PHGDH: variants seen among roughly 807,000 people sequenced by gnomAD.
PHGDH encodes D-3-phosphoglycerate dehydrogenase.
In PHGDH, 50 loss-of-function variants were observed where a neutral mutation model predicts 52.6. The observed-to-expected ratio is 0.95, with a 90% CI of 0.76 to 1.20. The LOEUF is 1.20. Ranked by LOEUF, PHGDH falls within the 50% of genes most tolerant of loss-of-function variation. The pLI, the probability that PHGDH is intolerant of heterozygous loss-of-function variation, is 0.00. For missense variants in PHGDH, 630 were observed against 684.6 expected (o/e 0.92, Z 0.89); for synonymous variants, 271 against 280.5 (o/e 0.97, Z 0.34).
At chr1:119,725,621 C>G (rs926147183) in intron 3 of PHGDH, among the ~76,000 whole-genome samples, 1 of 152,196 alleles carries the variant, frequency 6.6e-6, no homozygotes, top group Admixed American at 6.5e-5. Context: ...TGATGGAGGA[C>G]AGATTCCACC....
Position 119,735,130 on chromosome 1 carries a change from C to G in PHGDH, c.644-165C>G, listed in dbSNP as rs1457725936. On this transcript the variant is annotated intron_variant, in intron 6 of 11. Transcript: ENST00000641023. ...AGATCCATAACAGGGACTCCTGCCC[C>G]AGAGCATCTGAGGAGGAAGAGATGA... 10 of 874,536 alleles carry G rather than the reference C, an allele frequency of 1.1e-5. No homozygotes were observed. In the Admixed American group the frequency reaches 1.8e-4, roughly 16 times the overall value. The allele number at this position is 874,536 out of a possible 1,614,324, so 54.2% of individuals were successfully genotyped here. A position where few individuals can be genotyped will look rare whatever the true frequency, so the allele number is the denominator to read the frequency against.
intron 4 of PHGDH, 46 bp from the exon 5 acceptor site, chr1:119,726,958 C>A (rs1230199331): frequency 6.2e-7 from 1 of 1,605,314 alleles, no homozygotes; most frequent in Admixed American, 1.7e-5. Context: ...GGGGTCCACT[C>A]ATGTTGCTGA....
chr1:119,740,214 C>A, intron 8 of PHGDH, 172 bp from the exon 9 acceptor site: 1 of 642,502 alleles, frequency 1.6e-6, no homozygotes. Flanking sequence ...TTTGTAGGAA[C>A]AAGTCCTTGT....
At chr1:119,733,951 G>A (rs1333961431) in intron 5 of PHGDH, among the ~76,000 whole-genome samples, 1 of 152,146 alleles carries the variant, frequency 6.6e-6, no homozygotes, top group Non-Finnish European at 1.5e-5. Flanking sequence ...CCAGGTCCAG[G>A]GGAACTGACC....
In PHGDH at chr1:119,712,097, T is replaced by C. The variant is rs752195785; in HGVS notation, c.75T>C (p.Asp25=). ...CTTGCTGCCGGAAGATCTTGCAAGA[T>C]GGAGGGCTGCAGGTGGTGGAAAAGC... ...LDPCCRKILQ[D]GGLQVVEKQN... The change falls in exon 1 of 12, where the codon GAT becomes GAC. Residue 25 remains aspartate (D), a synonymous_variant. Coordinates refer to ENST00000641023, the MANE Select transcript of PHGDH (RefSeq NM_006623.4). The C allele has an allele frequency of 6.8e-6, 11 of 1,613,916 alleles. No individual in the cohort carries two copies. The Admixed American group carries it at 1.5e-4, about 22-fold the overall frequency.
At chr1:119,721,642 C>T (rs1358910952) in intron 2 of PHGDH, 1 of 293,138 alleles carries the variant, frequency 3.4e-6, no homozygotes, top group Non-Finnish European at 6.5e-6. Flanking sequence ...TGACCTGGTT[C>T]AGGAATCGGA....
intron 8 of PHGDH, among the ~76,000 whole-genome samples, chr1:119,738,683 C>G (rs1360651202): frequency 6.6e-6 from 1 of 152,192 alleles, no homozygotes. Flanking sequence ...CCCATCGCAG[C>G]CTTGCAATTT....
In PHGDH at chr1:119,742,797, C is replaced by G; in HGVS notation, c.1210-10C>G. 1 of 1,566,118 alleles carries G rather than the reference C, an allele frequency of 6.4e-7. No individual in the cohort carries two copies. ...GGAGGTGTAACAGTCACCTTGCCTTCTCCACACAGGTCACCACCTCCCACA... is the reference window on the plus strand; with the variant it reads ...GGAGGTGTAACAGTCACCTTGCCTTGTCCACACAGGTCACCACCTCCCACA... On this transcript the variant is annotated splice_polypyrimidine_tract_variant and intron_variant, in intron 10 of 11. Transcript: ENST00000641023.
chr1:119,734,815 T>C lies in PHGDH; in HGVS notation c.643+49T>C, dbSNP rs759484791. On this transcript the variant is annotated intron_variant, in intron 6 of 11. Coordinates refer to ENST00000641023, the MANE Select transcript of PHGDH (RefSeq NM_006623.4). ...ATTGGTCACAGAAGCCACAGACCAG[T>C]TAACAAATGGGCCCTCCATCTGGGC... The C allele has an allele frequency of 2.5e-5, 40 of 1,602,758 alleles. No homozygotes were observed. In the East Asian group the frequency reaches 8.9e-4, roughly 36 times the overall value.
Position 119,742,838 on chromosome 1 carries a change from G to T in PHGDH, c.1241G>T (p.Gly414Val), listed in dbSNP as rs778237068. The change falls in exon 11 of 12, where the codon GGG becomes GTG. Residue 414 changes from glycine (G) to valine (V), a missense_variant. Transcript: ENST00000641023. ...VTTSHSPAAP[G>V]EQGFGECLLA... is the part of the protein sequence containing the mutation. Reference sequence around the variant, plus strand: ...ACCTCCCACAGCCCTGCTGCACCAGGGGAGCAAGGCTTCGGGGAATGCCTC... The same window carrying T: ...ACCTCCCACAGCCCTGCTGCACCAGTGGAGCAAGGCTTCGGGGAATGCCTC... 4 of 1,613,152 alleles carry T rather than the reference G, an allele frequency of 2.5e-6. No homozygotes were observed. Among genetic ancestry groups the T allele is most frequent in the Non-Finnish European group, 3.4e-6 (4 of 1,179,412 alleles).
chr1:119,733,370 T>C (rs1425447565), intron 5 of PHGDH, among the ~76,000 whole-genome samples: 1 of 151,850 alleles, frequency 6.6e-6, no homozygotes, highest in Non-Finnish European at 1.5e-5. Flanking sequence ...CTGAGACATC[T>C]TGTTCTGTCA....
chr1:119,723,251 G>A (rs1204515652), intron 2 of PHGDH, 125 bp from the exon 3 acceptor site: 4 of 799,820 alleles, frequency 5.0e-6, no homozygotes, highest in Middle Eastern at 3.4e-4. Flanking sequence ...ACTCTGGACA[G>A]TGGCGTGGTC....
At chr1:119,731,488 G>T (rs1426735795) in intron 5 of PHGDH, among the ~76,000 whole-genome samples, 1 of 152,180 alleles carries the variant, frequency 6.6e-6, no homozygotes, top group Non-Finnish European at 1.5e-5. Context: ...TGTAGCCAGC[G>T]TTGTGATGAA....
At chr1:119,720,335 T>C (rs1651092984) in intron 1 of PHGDH, 1 of 152,262 alleles carries the variant, frequency 6.6e-6, no homozygotes, top group Non-Finnish European at 1.5e-5. Context: ...GCTCTCATTT[T>C]TCCCCTGCCC....
chr1:119,742,632 G>T (rs1346655420), intron 10 of PHGDH, 175 bp from the exon 11 acceptor site: 1 of 647,186 alleles, frequency 1.5e-6, no homozygotes, highest in Admixed American at 2.3e-5. Flanking sequence ...CCAGGAAGCT[G>T]ATGCCGAAGG....
Position 119,741,687 on chromosome 1 carries a change from G to A in PHGDH, c.1079-80G>A, listed in dbSNP as rs1652213680. ...GGCAGCGAGGAGCCCATAGTCCAGA[G>A]CTAGGTGCCAGTGGCTTCCTGCCCC... is the stretch of plus-strand genomic sequence containing the variant. On this transcript the variant is annotated intron_variant, in intron 9 of 11. Coordinates refer to ENST00000641023, the MANE Select transcript of PHGDH (RefSeq NM_006623.4). The A allele has an allele frequency of 3.1e-6, 4 of 1,310,962 alleles. No homozygotes were observed. The East Asian group carries it at 6.9e-5, about 23-fold the overall frequency. 81.2% of individuals were successfully genotyped at this position (1,310,962 alleles called of 1,614,324 possible).
chr1:119,737,013 C>A, intron 7 of PHGDH, 101 bp from the exon 8 acceptor site: 2 of 1,135,892 alleles, frequency 1.8e-6, no homozygotes, highest in Non-Finnish European at 2.7e-6. Flanking sequence ...GGCACCAGAA[C>A]TCCTGACTGC....
At position 119,728,992 on chromosome 1, in the gene PHGDH, A is replaced by G. The variant is rs1322936260; in HGVS notation, c.510+1890A>G. On this transcript the variant is annotated intron_variant, in intron 5 of 11. Coordinates refer to ENST00000641023, the MANE Select transcript of PHGDH (RefSeq NM_006623.4). Reference sequence around the variant, plus strand: ...ATCTAGAATTTGTAAGCTTATGCCTAAGGACTCATAGCAAATGGACAGTAG... The same window carrying G: ...ATCTAGAATTTGTAAGCTTATGCCTGAGGACTCATAGCAAATGGACAGTAG... Among the ~76,000 whole-genome samples the G allele has an allele frequency of 2.6e-5, 4 of 152,150 alleles. No individual in the cohort carries two copies. In the East Asian group the frequency reaches 5.8e-4, roughly 22 times the overall value.
chr1:119,742,163 C>T (rs1468226888), intron 10 of PHGDH: 10 of 510,420 alleles, frequency 2.0e-5, no homozygotes, highest in East Asian at 3.6e-5. Context: ...AAGAAAATGA[C>T]GAGCTAGTGT....
Sources: gnomAD v4.1 joint callset for allele counts (sites outside exome capture counted in the v4.1 genomes callset) on GRCh38, gnomAD v4.1.1 for gene constraint, MANE v1.5 for transcripts, NCBI Gene and HGNC (gene_info 2026-07-23, HGNC 2026-07-21) for gene names.